Variants in PAQR5 observed in about 807,000 individuals in gnomAD.
The protein encoded by PAQR5 is progestin and adipoQ receptor family member 5, also known as membrane progestin receptor gamma.
A neutral mutation model predicts 34.5 loss-of-function variants in PAQR5; 20 were observed. The ratio of observed to expected loss-of-function variants is 0.58; its 90% CI spans 0.41 to 0.84. PAQR5 has a LOEUF of 0.84. Ranked by LOEUF, PAQR5 falls within the 40% of genes least tolerant of loss-of-function variation. The probability of loss-of-function intolerance (pLI) is 0.00; values close to 1 mark genes in which losing one functional copy is unlikely to be tolerated. For synonymous variants in PAQR5, 131 were observed against 155.6 expected (o/e 0.84, Z 1.18); for missense variants, 378 against 412.7 (o/e 0.92, Z 0.73).
chr15:69,299,893 C>A (rs2053490234), intron 1 of PAQR5, among the ~76,000 whole-genome samples: 2 of 146,166 alleles, frequency 1.4e-5, no homozygotes, highest in South Asian at 4.5e-4. Flanking sequence ...CTGAGAAGAG[C>A]TAGCAGCCAA....
intron 8 of PAQR5, among the ~76,000 whole-genome samples, chr15:69,402,021 A>T (rs964332985): frequency 9.9e-5 from 15 of 152,220 alleles, no homozygotes; most frequent in African/African-American, 3.6e-4. Flanking sequence ...GGTGTGAGCC[A>T]CCATGCCCAG....
intron 1 of PAQR5, among the ~76,000 whole-genome samples, chr15:69,301,553 G>A (rs1336846533): frequency 6.6e-6 from 1 of 152,198 alleles, no homozygotes; most frequent in African/African-American, 2.4e-5. Context: ...TATGTATTGA[G>A]GGAAGAGAAG....
At position 69,397,524 on chromosome 15, in the gene PAQR5, C is replaced by T. The variant is rs752032043; in HGVS notation, c.569C>T (p.Ala190Val). ...LCKVIRVLAF[A>V]YPYTWDSLPI... Reference sequence around the variant, plus strand: ...AAGGTGATTCGTGTCCTCGCCTTTGCTTATCCGTACACCTGGGACTCCCTC... The same window carrying T: ...AAGGTGATTCGTGTCCTCGCCTTTGTTTATCCGTACACCTGGGACTCCCTC... Residue 190 changes from alanine (A) to valine (V), a missense_variant, in exon 7 of 9, where the codon GCT becomes GTT. Ala to Val is a moderately conservative substitution (Grantham distance 64). Coordinates refer to ENST00000395407, the MANE Select transcript of PAQR5 (RefSeq NM_017705.4). 2 of 1,613,548 alleles carry T rather than the reference C, an allele frequency of 1.2e-6. No individual in the cohort carries two copies. Among genetic ancestry groups the T allele is most frequent in the Admixed American group, 1.7e-5 (1 of 60,026 alleles).
At chr15:69,356,405 AATGT>A (rs1348445743) in intron 2 of PAQR5, among the ~76,000 whole-genome samples, 3 of 152,200 alleles carry the variant, frequency 2.0e-5, no homozygotes, top group African/African-American at 7.2e-5. Context: ...ACCTGGGCAA[AATGT>A]ATGTGAGCTT....
At chr15:69,356,256 C>A (rs560978440) in intron 2 of PAQR5, among the ~76,000 whole-genome samples, 1 of 152,282 alleles carries the variant, frequency 6.6e-6, no homozygotes, top group African/African-American at 2.4e-5. Context: ...ACATTTGCCT[C>A]TTGTCCTGCC....
intron 3 of PAQR5, among the ~76,000 whole-genome samples, chr15:69,377,082 T>G (rs545587764): frequency 1.3e-5 from 2 of 152,338 alleles, no homozygotes; most frequent in East Asian, 3.9e-4. Context: ...ACAAAGTCTC[T>G]TGGTTTATAG....
intron 4 of PAQR5, among the ~76,000 whole-genome samples, chr15:69,383,588 G>C (rs1224902350): frequency 4.3e-5 from 6 of 138,936 alleles, no homozygotes; most frequent in East Asian, 4.5e-4. Flanking sequence ...CTGTGCTCAT[G>C]GTGGAGGGTG....
chr15:69,369,075 C>T (rs2055483523), intron 3 of PAQR5, among the ~76,000 whole-genome samples: 1 of 152,194 alleles, frequency 6.6e-6, no homozygotes, highest in African/African-American at 2.4e-5. Flanking sequence ...CCAGCCTGTT[C>T]TTTTCAAATT....
rs745850236 is a variant in PAQR5, at chr15:69,379,991, A to G, written c.160A>G (p.Thr54Ala). The change falls in exon 4 of 9, where the codon ACT (threonine) becomes GCT (alanine). Residue 54 changes from threonine to alanine, a missense_variant. Thr to Ala is a moderately conservative substitution (Grantham distance 58, BLOSUM62 0). Coordinates refer to ENST00000395407, the MANE Select transcript of PAQR5 (RefSeq NM_017705.4). ...GACCAATGAGACTCTCAACATTTGG[A>G]CTCACTTGCTGCCCTTCTGGTACCT... Reference protein sequence around the residue: ...QMTNETLNIWTHLLPFWFFAW... With the variant: ...QMTNETLNIWAHLLPFWFFAW... 1.2e-6 allele frequency: 2 copies of G among 1,613,732 alleles called. No individual in the cohort carries two copies. Among genetic ancestry groups the G allele is most frequent in the Non-Finnish European group, 1.7e-6 (2 of 1,179,926 alleles).
intron 1 of PAQR5, among the ~76,000 whole-genome samples, chr15:69,301,990 G>A (rs2053616618): frequency 1.3e-5 from 2 of 150,332 alleles, no homozygotes; most frequent in Non-Finnish European, 3.0e-5. Context: ...GGGGTGGTAG[G>A]TTTGTGCATG....
In PAQR5 at chr15:69,385,765, C is replaced by G. The variant is rs114846992; in HGVS notation, c.385+883C>G. Among the ~76,000 whole-genome samples the G allele has an allele frequency of 1.3e-5, 2 of 151,962 alleles. No homozygotes were observed. The highest frequency in any genetic ancestry group is 4.8e-5 in the African/African-American group (2 of 41,324). On this transcript the variant is annotated intron_variant, in intron 5 of 8. Transcript: ENST00000395407. The surrounding 1 kb of genome is among the most constrained non-coding windows in gnomAD (Gnocchi z 4.7). ...GTTCACACTCACACAAACACACACT[C>G]ATGCACTGACACACACTGACACACA...
chr15:69,335,154 G>A (rs892800645), intron 1 of PAQR5, among the ~76,000 whole-genome samples: 2 of 151,714 alleles, frequency 1.3e-5, no homozygotes, highest in African/African-American at 2.4e-5. Flanking sequence ...AACCCAGGAG[G>A]TGGAGGTTGT....
chr15:69,366,836 C>T (rs115386302), intron 3 of PAQR5, among the ~76,000 whole-genome samples: 1,790 of 152,122 alleles, frequency 0.012, 38 homozygotes, highest in African/African-American at 0.041. Flanking sequence ...TTAATTTTTA[C>T]TTTACGTATT....
intron 1 of PAQR5, among the ~76,000 whole-genome samples, chr15:69,329,215 A>G (rs1042534253): frequency 1.3e-5 from 2 of 152,132 alleles, no homozygotes; most frequent in African/African-American, 2.4e-5. Flanking sequence ...ACACACACAC[A>G]TATACACTCA....
At chr15:69,329,373 G>T (rs2054325916) in intron 1 of PAQR5, among the ~76,000 whole-genome samples, 2 of 150,678 alleles carry the variant, frequency 1.3e-5, no homozygotes, top group South Asian at 4.2e-4. Flanking sequence ...GGGATGAAGG[G>T]GAGAAAAAAA....
At chr15:69,393,376 G>C (rs1291534153) in intron 6 of PAQR5, among the ~76,000 whole-genome samples, 1 of 141,808 alleles carries the variant, frequency 7.1e-6, no homozygotes, top group Non-Finnish European at 1.6e-5. Context: ...GGGTAGAGAG[G>C]AGGGTGTGGG....
In PAQR5 at chr15:69,359,987, A is replaced by G; in HGVS notation, c.-94A>G. 1.1e-6 allele frequency: 1 copy of G among 931,906 alleles called. No homozygotes were observed. The highest frequency in any genetic ancestry group is 1.4e-5 in the South Asian group (1 of 73,022). The allele number at this position is 931,906 out of a possible 1,614,324, so 57.7% of individuals were successfully genotyped here. A position where few individuals can be genotyped will look rare whatever the true frequency, so the allele number is the denominator to read the frequency against. On this transcript the variant is annotated 5_prime_UTR_variant, in exon 3 of 9. Coordinates refer to ENST00000395407, the MANE Select transcript of PAQR5 (RefSeq NM_017705.4). ...TCAGGGAAGCGGCACAGCACCAGCTAGGCAGAGACGCCCCAGGCCATGTTA... is the reference window on the plus strand; with the variant it reads ...TCAGGGAAGCGGCACAGCACCAGCTGGGCAGAGACGCCCCAGGCCATGTTA...
Position 69,385,008 on chromosome 15 carries a change from C to T in PAQR5, c.385+126C>T. 1.5e-6 allele frequency: 1 copy of T among 678,018 alleles called. No homozygotes were observed. Among genetic ancestry groups the T allele is most frequent in the Non-Finnish European group, 2.6e-6 (1 of 391,108 alleles). 42.0% of individuals were successfully genotyped at this position (678,018 alleles called of 1,614,324 possible). On this transcript the variant is annotated intron_variant, in intron 5 of 8. Transcript: ENST00000395407. This position sits in a 1 kb window ranked among gnomAD's most constrained non-coding sequence, Gnocchi z 4.7. ...AAGAATCCAGGGATTATGCCAGTGC[C>T]CCTGTCCAGGTTCCCAATGGGTGTT...
intron 3 of PAQR5, among the ~76,000 whole-genome samples, chr15:69,363,536 G>GTTTTTTTT (rs1226447954): frequency 4.9e-5 from 4 of 82,002 alleles, no homozygotes; most frequent in Non-Finnish European, 4.6e-5. Context: ...TTGCTAATCT[G>GTTTTTTTT]TTTTTTGTTT....
Sources: allele counts gnomAD v4.1 joint callset (sites outside exome capture counted in the v4.1 genomes callset), GRCh38; gene constraint gnomAD v4.1.1; non-coding constraint Gnocchi (gnomAD v3.1); transcripts MANE v1.5; gene names NCBI Gene and HGNC (gene_info 2026-07-23, HGNC 2026-07-21).